CRPPA: variants seen among roughly 807,000 people sequenced by gnomAD.
CRPPA encodes the protein CDP-L-ribitol pyrophosphorylase A.
CRPPA carries 43 observed loss-of-function variants against 52.0 expected under a neutral mutation model. That is an observed-to-expected ratio of 0.83 (90% CI 0.65 to 1.07). The LOEUF is 1.07. Ranked by LOEUF, CRPPA falls within the 50% of genes least tolerant of loss-of-function variation. CRPPA has a pLI of 0.00. For synonymous variants in CRPPA, 250 were observed against 203.5 expected (o/e 1.23, Z -1.94); for missense variants, 629 against 551.7 (o/e 1.14, Z -1.40).
intron 5 of CRPPA, among the ~76,000 whole-genome samples, chr7:16,285,863 T>TA (rs1219423374): frequency 6.7e-6 from 1 of 149,684 alleles, no homozygotes; most frequent in African/African-American, 2.5e-5. Flanking sequence ...CCACTAAACA[T>TA]ACAAAAAATT....
At chr7:16,104,634 C>A (rs750080733) in intron 9 of CRPPA, among the ~76,000 whole-genome samples, 7 of 152,198 alleles carry the variant, frequency 4.6e-5, no homozygotes, top group Non-Finnish European at 7.3e-5. Context: ...GGTGCAGTGG[C>A]TCACGCCTGT....
Position 16,278,221 on chromosome 7 carries a change from T to G in CRPPA, c.841A>C (p.Ile281Leu). The change falls in exon 6 of 10, where the codon ATT becomes CTT. Residue 281 changes from isoleucine (I) to leucine (L), a missense_variant. Physicochemically the swap from Ile to Leu is conservative, Grantham distance 5 (BLOSUM62 2). Transcript: ENST00000407010. ...ATAACTACACAAATCTCTTGGGAAA[T>G]TCTCTCTGAAATTAAAAAAAAAAAG... ...YAAESIIKERISQEICVVMDT... is the reference protein window; with the variant it reads ...YAAESIIKERLSQEICVVMDT... The G allele has an allele frequency of 6.5e-7, 1 of 1,529,042 alleles. No homozygotes were observed. Among genetic ancestry groups the G allele is most frequent in the Non-Finnish European group, 8.9e-7 (1 of 1,124,392 alleles). The allele number at this position is 1,529,042 out of a possible 1,614,324, so 94.7% of individuals were successfully genotyped here.
chr7:16,104,586 T>C (rs1418171169), intron 9 of CRPPA, among the ~76,000 whole-genome samples: 5 of 152,184 alleles, frequency 3.3e-5, no homozygotes, highest in African/African-American at 7.2e-5. Context: ...CATGTGGATA[T>C]TAAATGTATT....
chr7:16,341,561 C>G (rs1785832061), intron 3 of CRPPA, among the ~76,000 whole-genome samples: 1 of 152,006 alleles, frequency 6.6e-6, no homozygotes, highest in African/African-American at 2.4e-5. Context: ...ACAGAGCTGC[C>G]CTATTTTTTC....
At chr7:16,253,180 C>A (rs1313763607) in intron 8 of CRPPA, among the ~76,000 whole-genome samples, 2 of 152,162 alleles carry the variant, frequency 1.3e-5, no homozygotes, top group Non-Finnish European at 2.9e-5. Flanking sequence ...TTCTCTAGTT[C>A]TTTTAATTGT....
chr7:16,271,893 T>C (rs1025794572), intron 6 of CRPPA, among the ~76,000 whole-genome samples: 5 of 152,236 alleles, frequency 3.3e-5, no homozygotes, highest in African/African-American at 1.2e-4. Context: ...ATCTAGTGAC[T>C]ATATCATGAC....
At chr7:16,322,170 A>T (rs1785279411) in intron 3 of CRPPA, among the ~76,000 whole-genome samples, 1 of 152,154 alleles carries the variant, frequency 6.6e-6, no homozygotes, top group Admixed American at 6.5e-5. Context: ...AACACAAAAT[A>T]CCAAATCTAA....
chr7:16,318,844 C>T (rs1785199946), intron 3 of CRPPA, among the ~76,000 whole-genome samples: 1 of 152,294 alleles, frequency 6.6e-6, no homozygotes, highest in South Asian at 2.1e-4. Context: ...CACCAGGAGG[C>T]CACTGCAAGG....
At chr7:16,229,688 C>T (rs1271784958) in intron 8 of CRPPA, among the ~76,000 whole-genome samples, 1 of 152,102 alleles carries the variant, frequency 6.6e-6, no homozygotes, top group Non-Finnish European at 1.5e-5. Flanking sequence ...ACCATTACAG[C>T]ATGAGTATAG....
At chr7:16,209,932 A>G (rs1782084727) in intron 9 of CRPPA, among the ~76,000 whole-genome samples, 2 of 152,212 alleles carry the variant, frequency 1.3e-5, no homozygotes, top group African/African-American at 4.8e-5. Flanking sequence ...TCAATATTAC[A>G]TCCACATTTT....
chr7:16,343,248 T>G (rs1785920552), intron 3 of CRPPA, among the ~76,000 whole-genome samples: 1 of 152,064 alleles, frequency 6.6e-6, no homozygotes, highest in Non-Finnish European at 1.5e-5. Context: ...ATGCAACATC[T>G]AGGGGATGTT....
At chr7:16,288,754 G>A (rs1027612757) in intron 5 of CRPPA, among the ~76,000 whole-genome samples, 11 of 144,230 alleles carry the variant, frequency 7.6e-5, no homozygotes, top group Non-Finnish European at 7.5e-5. Flanking sequence ...GGCTGAGGTA[G>A]GAAATTGCTT....
chr7:16,399,655 G>C (rs761278487), intron 2 of CRPPA, among the ~76,000 whole-genome samples: 1 of 151,920 alleles, frequency 6.6e-6, no homozygotes, highest in Non-Finnish European at 1.5e-5. Context: ...TGTAATCAAC[G>C]TGTGACACGT....
At chr7:16,191,904 A>G (rs545092828) in intron 9 of CRPPA, among the ~76,000 whole-genome samples, 1 of 152,212 alleles carries the variant, frequency 6.6e-6, no homozygotes, top group South Asian at 2.1e-4. Flanking sequence ...TCTCCCACTT[A>G]CAGAATGCAA....
At chr7:16,223,485 T>A (rs1344485955) in intron 8 of CRPPA, among the ~76,000 whole-genome samples, 1 of 152,214 alleles carries the variant, frequency 6.6e-6, no homozygotes, top group Non-Finnish European at 1.5e-5. Context: ...AAGAAGTAGA[T>A]GCATCTCAAA....
At chr7:16,310,347 A>G (rs937359400) in intron 3 of CRPPA, among the ~76,000 whole-genome samples, 1 of 152,148 alleles carries the variant, frequency 6.6e-6, no homozygotes, top group Non-Finnish European at 1.5e-5. Flanking sequence ...CAGTTATGCT[A>G]TAGAGAAACA....
intron 9 of CRPPA, among the ~76,000 whole-genome samples, chr7:16,177,062 C>G (rs1185318173): frequency 1.3e-5 from 2 of 152,050 alleles, no homozygotes; most frequent in Non-Finnish European, 2.9e-5. Flanking sequence ...GTAAGTTACA[C>G]ATGGTTTCAA....
chr7:16,320,278 G>A (rs190448066), intron 3 of CRPPA, among the ~76,000 whole-genome samples: 6 of 152,104 alleles, frequency 3.9e-5, no homozygotes, highest in Admixed American at 2.6e-4. Context: ...CATAAAAGTG[G>A]TTTCAATTTA....
At chr7:16,241,185 CTTTCT>C (rs1290904469) in intron 8 of CRPPA, among the ~76,000 whole-genome samples, 2 of 151,926 alleles carry the variant, frequency 1.3e-5, no homozygotes, top group African/African-American at 2.4e-5. Flanking sequence ...TGGATGATGA[CTTTCT>C]TTTCTTTTCT....
Sources: allele counts gnomAD v4.1 joint callset (sites outside exome capture counted in the v4.1 genomes callset), GRCh38; gene constraint gnomAD v4.1.1; transcripts MANE v1.5; gene names NCBI Gene and HGNC (gene_info 2026-07-23, HGNC 2026-07-21).